The following SEMA7A variants were observed in gnomAD, a reference collection of about 807,000 sequenced individuals.
SEMA7A encodes the protein semaphorin 7A (JohnMiltonHagen blood group).
SEMA7A carries 21 observed loss-of-function variants against 67.5 expected under a neutral mutation model. That is an observed-to-expected ratio of 0.31 (90% CI 0.22 to 0.45). SEMA7A has a LOEUF of 0.45. Ranked by LOEUF, SEMA7A falls within the 20% of genes least tolerant of loss-of-function variation. The pLI, the probability that SEMA7A is intolerant of heterozygous loss-of-function variation, is 1.00. For missense variants in SEMA7A, 774 were observed against 908.6 expected, an observed-to-expected ratio of 0.85 and a Z score of 1.90; for synonymous variants, 364 against 368.5, an observed-to-expected ratio of 0.99 and a Z score of 0.14.
Position 74,433,882 on chromosome 15 carries a change from C to T in SEMA7A, c.37G>A (p.Ala13Thr), listed in dbSNP as rs1434236336. The stretch of plus-strand genomic sequence containing the variant: ...GGGCCAGGGACGCGGGCGCGCGGTG[C>T]GCTGGGGGCGGCACGTCCGGGCGGA... ...PPPPGRAAPS[A>T]PRARVPGPPA... Residue 13 changes from alanine to threonine, a missense_variant, in exon 1 of 14, where the codon GCA (alanine) becomes ACA (threonine). Coordinates refer to ENST00000261918, the MANE Select transcript of SEMA7A (RefSeq NM_003612.5). 1.6e-6 allele frequency: 2 copies of T among 1,269,680 alleles called. No homozygotes were observed. Among genetic ancestry groups the T allele is most frequent in the African/African-American group, 3.1e-5 (2 of 64,414 alleles). 78.7% of individuals were successfully genotyped at this position (1,269,680 alleles called of 1,614,324 possible).
chr15:74,411,839 C>T lies in SEMA7A; in HGVS notation c.1422+46G>A. The T allele has an allele frequency of 6.2e-7, 1 of 1,609,984 alleles. No individual in the cohort carries two copies. The highest frequency in any genetic ancestry group is 8.5e-7 in the Non-Finnish European group (1 of 1,178,256). The stretch of plus-strand genomic sequence containing the variant: ...ACATGCAAAGGAGCCCTGTCCTCAG[C>T]TGCAGTCACTGCATAGCCCATGGGA... On this transcript the variant is annotated intron_variant, in intron 11 of 13. Transcript: ENST00000261918. This position sits in a 1 kb window ranked among gnomAD's most constrained non-coding sequence, Gnocchi z 4.4.
chr15:74,422,489 A>G (rs2061008345), intron 1 of SEMA7A, among the ~76,000 whole-genome samples: 1 of 152,092 alleles, frequency 6.6e-6, no homozygotes, highest in African/African-American at 2.4e-5. Context: ...TTCCGAGCCA[A>G]TCCTCACTCG....
rs771316934 is a variant in SEMA7A at position 74,414,597 on chromosome 15, C to T, written c.1244G>A (p.Arg415His). 8.1e-6 allele frequency: 13 copies of T among 1,614,214 alleles called. No individual in the cohort carries two copies. Among genetic ancestry groups the T allele is most frequent in the Middle Eastern group, 1.6e-4 (1 of 6,062 alleles). The change falls in exon 10 of 14, where the codon CGC becomes CAC. Residue 415 changes from arginine to histidine, a missense_variant. Coordinates refer to ENST00000261918, the MANE Select transcript of SEMA7A (RefSeq NM_003612.5). The surrounding 1 kb of genome is among the most constrained non-coding windows in gnomAD (Gnocchi z 4.1). Reference protein sequence around the residue: ...KYHYQKVAVHRMQASHGETFH... With the variant: ...KYHYQKVAVHHMQASHGETFH... ...GGTCTCCCCGTGGCTGGCTTGCATG[C>T]GGTGGACGGCCACTTTCTGGTAGTG...
chr15:74,412,526 G>T lies in SEMA7A; in HGVS notation c.1295-514C>A, dbSNP rs146082248. Among the ~76,000 whole-genome samples, 44 of 152,228 alleles carry T rather than the reference G, an allele frequency of 2.9e-4. No homozygotes were observed. The East Asian group carries it at 8.1e-3, about 28-fold the overall frequency. On this transcript the variant is annotated intron_variant, in intron 10 of 13. Coordinates refer to ENST00000261918, the MANE Select transcript of SEMA7A (RefSeq NM_003612.5). ...GCTTCTACAACTCCCCTGCCTCCTG[G>T]ACTCTTAGGGAATATATTTACTTTA...
At chr15:74,422,128 AT>A (rs2061005431) in intron 1 of SEMA7A, among the ~76,000 whole-genome samples, 1 of 151,980 alleles carries the variant, frequency 6.6e-6, no homozygotes, top group Non-Finnish European at 1.5e-5. Context: ...CCCACGTGTG[AT>A]GGGGGAGGGA....
At position 74,433,925 on chromosome 15, in the gene SEMA7A, G is replaced by T; in HGVS notation, c.-7C>A. On this transcript the variant is annotated 5_prime_UTR_variant, in exon 1 of 14. Coordinates refer to ENST00000261918, the MANE Select transcript of SEMA7A (RefSeq NM_003612.5). Reference sequence around the variant, plus strand: ...CGGGCGGAGGAGGCGTCATCCCGTGGCCCCGGGAGCGACAGCGGCAATCAG... The same window carrying T: ...CGGGCGGAGGAGGCGTCATCCCGTGTCCCCGGGAGCGACAGCGGCAATCAG... The T allele has an allele frequency of 2.4e-6, 3 of 1,244,048 alleles. No individual in the cohort carries two copies. The Admixed American group carries it at 1.3e-4, about 53-fold the overall frequency. 77.1% of individuals were successfully genotyped at this position (1,244,048 alleles called of 1,614,324 possible).
chr15:74,429,823 G>A (rs1044966808), intron 1 of SEMA7A, among the ~76,000 whole-genome samples: 1 of 152,118 alleles, frequency 6.6e-6, no homozygotes, highest in Non-Finnish European at 1.5e-5. Context: ...TGTGGTCCTA[G>A]CTGTAAGTTC....
rs1051899923 is a variant in SEMA7A at position 74,411,125 on chromosome 15, T to C, written c.1640-140A>G. The stretch of plus-strand genomic sequence containing the variant: ...CCCAGCCCTCAGCGTCCTCCTTTTT[T>C]CTCCCGTCTCGCTCATCCCACCAAG... On this transcript the variant is annotated intron_variant, in intron 13 of 13. Transcript: ENST00000261918. This position sits in a 1 kb window ranked among gnomAD's most constrained non-coding sequence, Gnocchi z 4.4. 1.5e-6 allele frequency: 2 copies of C among 1,377,428 alleles called. No individual in the cohort carries two copies. The highest frequency in any genetic ancestry group is 2.0e-6 in the Non-Finnish European group (2 of 1,023,836). 85.3% of individuals were successfully genotyped at this position (1,377,428 alleles called of 1,614,324 possible).
chr15:74,417,735 C>G, intron 4 of SEMA7A, 60 bp from the exon 5 acceptor site: 1 of 1,552,462 alleles, frequency 6.4e-7, no homozygotes. Context: ...CCTCCCATGA[C>G]GGCCAGTTTC....
intron 1 of SEMA7A, among the ~76,000 whole-genome samples, chr15:74,419,738 C>G (rs2060983934): frequency 6.6e-6 from 1 of 152,178 alleles, no homozygotes; most frequent in Non-Finnish European, 1.5e-5. Context: ...AGGATGCTAG[C>G]TCTCCGGGGG....
In SEMA7A at chr15:74,416,702, A is replaced by G. The variant is rs1244105446; in HGVS notation, c.674T>C (p.Ile225Thr). ...GTCTTGGTGCACGATGGTGGCTTTG[A>G]TGAACTGTGGGTCTGCCAGGGACAG... ...SDTVMQNPQF[I>T]KATIVHQDQA... The change falls in exon 7 of 14, where the codon ATC (isoleucine) becomes ACC (threonine). Residue 225 changes from isoleucine to threonine, a missense_variant. This residue lies in a region of SEMA7A where 347 missense variants were observed against 353.2 expected (regional missense o/e 0.98). Transcript: ENST00000261918. 6 of 1,613,892 alleles carry G rather than the reference A, an allele frequency of 3.7e-6. No individual in the cohort carries two copies. The East Asian group carries it at 1.3e-4, about 36-fold the overall frequency.
At chr15:74,425,489 G>A (rs1367145703) in intron 1 of SEMA7A, among the ~76,000 whole-genome samples, 1 of 152,118 alleles carries the variant, frequency 6.6e-6, no homozygotes, top group Non-Finnish European at 1.5e-5. Context: ...AGGCTTCCAA[G>A]GTCAGCCCTT....
intron 10 of SEMA7A, 103 bp from the exon 11 acceptor site, chr15:74,412,115 G>C: frequency 7.0e-7 from 1 of 1,429,574 alleles, no homozygotes. Context: ...CTCAGGCAAG[G>C]GTCACAGGAC....
intron 1 of SEMA7A, among the ~76,000 whole-genome samples, chr15:74,431,629 G>C (rs1188731276): frequency 6.6e-6 from 1 of 152,214 alleles, no homozygotes; most frequent in Non-Finnish European, 1.5e-5. Context: ...TAGGCTTCCA[G>C]AAAGACCCCC....
At position 74,411,547 on chromosome 15, in the gene SEMA7A, C is replaced by G. The variant is rs377099762; in HGVS notation, c.1577+9G>C. ...TTCTCCCAGGGACGAGGGATCCCGG[C>G]CAACGTACCGTTCGGAGCTGTAGAT... On this transcript the variant is annotated intron_variant, in intron 12 of 13. Coordinates refer to ENST00000261918, the MANE Select transcript of SEMA7A (RefSeq NM_003612.5). The surrounding 1 kb of genome is among the most constrained non-coding windows in gnomAD (Gnocchi z 4.4). 3.2e-6 allele frequency: 5 copies of G among 1,550,044 alleles called. No homozygotes were observed. Among genetic ancestry groups the G allele is most frequent in the Middle Eastern group, 1.8e-4 (1 of 5,422 alleles).
At chr15:74,424,538 TA>T (rs2061026837) in intron 1 of SEMA7A, among the ~76,000 whole-genome samples, 1 of 152,156 alleles carries the variant, frequency 6.6e-6, no homozygotes, top group Non-Finnish European at 1.5e-5. Context: ...ACAGGAAAAC[TA>T]ATGCCCTTCC....
intron 1 of SEMA7A, among the ~76,000 whole-genome samples, chr15:74,432,587 G>T (rs7171556): frequency 6.6e-6 from 1 of 152,132 alleles, no homozygotes; most frequent in African/African-American, 2.4e-5. Context: ...CGGGCCACTC[G>T]TTTTGTGTAT....
At chr15:74,416,361 A>G (rs759535519) in intron 7 of SEMA7A, among the ~76,000 whole-genome samples, 6 of 152,022 alleles carry the variant, frequency 3.9e-5, no homozygotes, top group Admixed American at 6.6e-5. Flanking sequence ...ACACACGCTC[A>G]CACGCCATCA....
rs957543568 is a variant in SEMA7A at position 74,433,924 on chromosome 15, G to A, written c.-6C>T. On this transcript the variant is annotated 5_prime_UTR_variant, in exon 1 of 14. Transcript: ENST00000261918. Reference sequence around the variant, plus strand: ...CCGGGCGGAGGAGGCGTCATCCCGTGGCCCCGGGAGCGACAGCGGCAATCA... The same window carrying A: ...CCGGGCGGAGGAGGCGTCATCCCGTAGCCCCGGGAGCGACAGCGGCAATCA... 2 of 1,244,272 alleles carry A rather than the reference G, an allele frequency of 1.6e-6. No individual in the cohort carries two copies. The allele number at this position is 1,244,272 out of a possible 1,614,324, so 77.1% of individuals were successfully genotyped here. A position where few individuals can be genotyped will look rare whatever the true frequency, so the allele number is the denominator to read the frequency against.
Sources: allele counts gnomAD v4.1 joint callset (sites outside exome capture counted in the v4.1 genomes callset), GRCh38; gene constraint gnomAD v4.1.1; regional missense constraint gnomAD v4.1.1; non-coding constraint Gnocchi (gnomAD v3.1); transcripts MANE v1.5; gene names NCBI Gene and HGNC (gene_info 2026-07-23, HGNC 2026-07-21).